Variants in NETO2 observed in about 807,000 individuals in gnomAD.
NETO2 encodes neuropilin and tolloid-like protein 2.
NETO2 carries 28 observed loss-of-function variants against 62.5 expected under a neutral mutation model. The observed-to-expected ratio is 0.45, with a 90% CI of 0.33 to 0.61. The LOEUF (loss-of-function observed/expected upper bound fraction) is 0.61, where lower values mean the gene tolerates loss of function less well. Among genes scored for constraint, NETO2 ranks in the 20% least tolerant of loss-of-function variants. NETO2 has a pLI of 0.02. For synonymous variants in NETO2, 214 were observed against 219.1 expected (o/e 0.98, Z 0.21); for missense variants, 548 against 643.2 (o/e 0.85, Z 1.60).
intron 8 of NETO2, among the ~76,000 whole-genome samples, chr16:47,085,403 G>C (rs867625280): frequency 6.6e-6 from 1 of 151,386 alleles, no homozygotes; most frequent in African/African-American, 2.4e-5. Context: ...TGGATGAGAC[G>C]GAGTTTTCAC....
chr16:47,093,914 A>G (rs1318144152), intron 7 of NETO2, among the ~76,000 whole-genome samples: 1 of 152,254 alleles, frequency 6.6e-6, no homozygotes, highest in African/African-American at 2.4e-5. Flanking sequence ...CTCATCAGTC[A>G]GGATATAAAG....
At chr16:47,095,765 A>C (rs774344194) in intron 7 of NETO2, among the ~76,000 whole-genome samples, 1 of 152,202 alleles carries the variant, frequency 6.6e-6, no homozygotes, top group Non-Finnish European at 1.5e-5. Context: ...ACCAGGCAGA[A>C]CATCAATAAG....
At chr16:47,104,086 G>A (rs1963616999) in intron 7 of NETO2, among the ~76,000 whole-genome samples, 1 of 152,064 alleles carries the variant, frequency 6.6e-6, no homozygotes, top group Admixed American at 6.6e-5. Context: ...GGTTTTCTCT[G>A]TTCACAGACA....
At chr16:47,113,592 T>C (rs1963846984) in intron 6 of NETO2, among the ~76,000 whole-genome samples, 1 of 148,988 alleles carries the variant, frequency 6.7e-6, no homozygotes, top group African/African-American at 2.5e-5. Context: ...ATTCTTTTTT[T>C]TTTTTTTTTT....
intron 8 of NETO2, among the ~76,000 whole-genome samples, chr16:47,084,099 CAAAT>C (rs1963131725): frequency 6.6e-6 from 1 of 152,098 alleles, no homozygotes. Flanking sequence ...TAGACTATGC[CAAAT>C]AAATACTCTT....
At chr16:47,132,810 A>C (rs938465571) in intron 1 of NETO2, among the ~76,000 whole-genome samples, 7 of 152,324 alleles carry the variant, frequency 4.6e-5, no homozygotes, top group African/African-American at 1.4e-4. Flanking sequence ...AAGGATGCAC[A>C]GGTGTGGAGA....
chr16:47,127,401 G>A (rs1419718390), intron 4 of NETO2, among the ~76,000 whole-genome samples: 1 of 152,132 alleles, frequency 6.6e-6, no homozygotes, highest in Non-Finnish European at 1.5e-5. Flanking sequence ...CCCATAACCT[G>A]TGAGTAGTAG....
chr16:47,109,661 C>G lies in NETO2; in HGVS notation c.705G>C (p.Lys235Asn). Residue 235 changes from lysine to asparagine, a missense_variant, in exon 7 of 9, where the codon AAG (lysine) becomes AAC (asparagine). Coordinates refer to ENST00000562435, the MANE Select transcript of NETO2 (RefSeq NM_018092.5). The part of the protein sequence containing the change: ...DYQMEHSNEC[K>N]RNFVAVYDGS... ...CATCATAGACTGCAACGAAGTTTCT[C>G]TTGCATTCATTTGAGTGCTCCATTT... The G allele has an allele frequency of 6.2e-7, 1 of 1,614,106 alleles. No homozygotes were observed. The highest frequency in any genetic ancestry group is 8.5e-7 in the Non-Finnish European group (1 of 1,179,994).
At chr16:47,083,823 C>T (rs776316499) in intron 8 of NETO2, 22 bp from the exon 9 acceptor site, 12 of 1,527,292 alleles carry the variant, frequency 7.9e-6, no homozygotes, top group Middle Eastern at 1.7e-4. Flanking sequence ...AAATGAGAAA[C>T]GTTAAGTTTT....
chr16:47,098,693 C>T (rs1364608990), intron 7 of NETO2, among the ~76,000 whole-genome samples: 1 of 152,066 alleles, frequency 6.6e-6, no homozygotes, highest in Non-Finnish European at 1.5e-5. Flanking sequence ...CAAAGATACT[C>T]CTTGAGAAGA....
At chr16:47,116,897 T>C (rs1567392291) in intron 6 of NETO2, among the ~76,000 whole-genome samples, 1 of 152,228 alleles carries the variant, frequency 6.6e-6, no homozygotes, top group Non-Finnish European at 1.5e-5. Flanking sequence ...TTTTCTGGCA[T>C]AGAGCTGTTC....
At chr16:47,143,551 C>G (rs938983018) in intron 1 of NETO2, 28 bp downstream of exon 1, 4 of 1,222,110 alleles carry the variant, frequency 3.3e-6, no homozygotes, top group Non-Finnish European at 4.1e-6. Flanking sequence ...CAGGGGGCGC[C>G]GTCCGTGGCC....
chr16:47,116,773 G>A (rs920276367), intron 6 of NETO2, among the ~76,000 whole-genome samples: 1 of 152,128 alleles, frequency 6.6e-6, no homozygotes, highest in Non-Finnish European at 1.5e-5. Context: ...AGGTGTTTAC[G>A]AATTCATTTT....
intron 7 of NETO2, among the ~76,000 whole-genome samples, chr16:47,101,040 T>G (rs574087632): frequency 6.6e-6 from 1 of 152,158 alleles, no homozygotes; most frequent in East Asian, 1.9e-4. Flanking sequence ...AACATCGATG[T>G]GAAGATCCTC....
intron 6 of NETO2, among the ~76,000 whole-genome samples, 165 bp from the exon 7 acceptor site, chr16:47,109,876 T>C (rs1463046746): frequency 6.6e-6 from 1 of 152,236 alleles, no homozygotes; most frequent in Non-Finnish European, 1.5e-5. Context: ...AGATTAATGA[T>C]CTGTTTCTTT....
chr16:47,108,141 T>C lies in NETO2; in HGVS notation c.883+1342A>G, dbSNP rs189425941. 1.3e-4 allele frequency among the ~76,000 whole-genome samples: 20 copies of C among 152,268 alleles called. No individual in the cohort carries two copies. The East Asian group carries it at 3.5e-3, about 26-fold the overall frequency. On this transcript the variant is annotated intron_variant, in intron 7 of 8. Coordinates refer to ENST00000562435, the MANE Select transcript of NETO2 (RefSeq NM_018092.5). The stretch of plus-strand genomic sequence containing the variant: ...TAAAATATCCATGAGCCCATACTGA[T>C]GTAATTATTAATAACTGAATAAGTG...
intron 6 of NETO2, among the ~76,000 whole-genome samples, chr16:47,114,435 ATTTC>A (rs1963866556): frequency 2.3e-5 from 2 of 86,456 alleles, no homozygotes; most frequent in Admixed American, 1.2e-4. Flanking sequence ...CAATTTATAA[ATTTC>A]TTTTTTTTTT....
intron 1 of NETO2, among the ~76,000 whole-genome samples, chr16:47,140,558 G>A (rs1964441738): frequency 6.6e-6 from 1 of 152,134 alleles, no homozygotes; most frequent in Admixed American, 6.5e-5. Flanking sequence ...CAAAATGAAA[G>A]ATAAACCAGA....
In NETO2 at chr16:47,129,231, A is replaced by G; in HGVS notation, c.225T>C (p.Ile75=). 6.2e-7 allele frequency: 1 copy of G among 1,613,762 alleles called. No homozygotes were observed. Among genetic ancestry groups the G allele is most frequent in the Non-Finnish European group, 8.5e-7 (1 of 1,179,780 alleles). The change falls in exon 3 of 9, where the codon ATT becomes ATC. Residue 75 remains isoleucine, a synonymous_variant. Transcript: ENST00000562435. ...AAGAAATCGTTCAAATACCTTCCAA[A>G]ATGTAGATACACTCCTTGTTTGGTG... ...SYPPNKECIY[I]LEAAPRQRIE...
Sources: allele counts gnomAD v4.1 joint callset (sites outside exome capture counted in the v4.1 genomes callset), GRCh38; gene constraint gnomAD v4.1.1; transcripts MANE v1.5; gene names NCBI Gene and HGNC (gene_info 2026-07-23, HGNC 2026-07-21).